The following PHF20 variants were observed in gnomAD, a reference collection of about 807,000 sequenced individuals.
The protein encoded by PHF20 is glioma-expressed antigen 2.
In PHF20, 23 loss-of-function variants were observed where a neutral mutation model predicts 113.5. The observed-to-expected ratio is 0.20, with a 90% CI of 0.15 to 0.29. PHF20 has a LOEUF of 0.29. PHF20 is among the 10% of genes least tolerant of loss of function. The pLI is 1.00. For missense variants in PHF20, 943 were observed against 1,219.6 expected (o/e 0.77, Z 3.38); for synonymous variants, 434 against 457.3 (o/e 0.95, Z 0.65).
intron 4 of PHF20, among the ~76,000 whole-genome samples, chr20:35,857,562 CTTTTTTTTTTTT>C (rs56655276): frequency 2.0e-4 from 20 of 99,676 alleles, no homozygotes; most frequent in South Asian, 1.2e-3. Flanking sequence ...AATGATGTTC[CTTTTTTTTTTTT>C]TTTTTTTTTT....
Position 35,863,165 on chromosome 20 carries a change from C to T in PHF20, c.573C>T (p.Pro191=). The change falls in exon 6 of 18, where the codon CCC becomes CCT. Residue 191 remains proline (P), a synonymous_variant. Transcript: ENST00000374012. ...AACCCTTAAAGACAGAAAAGCGACC[C>T]AAGCAGCCTGATAAAGAAGGAAAGT... ...EDKPLKTEKR[P]KQPDKEGKLI... The T allele has an allele frequency of 6.2e-7, 1 of 1,613,646 alleles. No homozygotes were observed. Among genetic ancestry groups the T allele is most frequent in the East Asian group, 2.2e-5 (1 of 44,882 alleles).
chr20:35,796,986 A>G (rs2041678286), intron 1 of PHF20, among the ~76,000 whole-genome samples: 1 of 152,122 alleles, frequency 6.6e-6, no homozygotes. Flanking sequence ...TGTAAGAATT[A>G]AATTCTTGCA....
At chr20:35,921,974 A>G (rs1223665370) in intron 13 of PHF20, among the ~76,000 whole-genome samples, 1 of 152,028 alleles carries the variant, frequency 6.6e-6, no homozygotes, top group African/African-American at 2.4e-5. Flanking sequence ...TACTTTCTCT[A>G]TTGACTTTTC....
At chr20:35,870,824 T>C in intron 7 of PHF20, 131 bp from the exon 8 acceptor site, 1 of 587,904 alleles carries the variant, frequency 1.7e-6, no homozygotes. Flanking sequence ...TATTTCCTTT[T>C]ATCACTACTC....
chr20:35,852,822 C>T (rs1404805743), intron 4 of PHF20, among the ~76,000 whole-genome samples: 1 of 150,234 alleles, frequency 6.7e-6, no homozygotes, highest in African/African-American at 2.4e-5. Flanking sequence ...TGGTCTTGAA[C>T]TCCTGACCTC....
intron 1 of PHF20, among the ~76,000 whole-genome samples, chr20:35,783,418 C>CTT (rs530366499): frequency 6.8e-6 from 1 of 146,884 alleles, no homozygotes. Context: ...AAGACTCTTA[C>CTT]TTTTTTTTTT....
At chr20:35,927,016 G>A (rs777689816) in intron 13 of PHF20, among the ~76,000 whole-genome samples, 45 of 152,176 alleles carry the variant, frequency 3.0e-4, no homozygotes, top group Admixed American at 2.7e-3. Context: ...CTATCCTCAG[G>A]CTGTCCACAT....
At chr20:35,832,787 C>T (rs1057289189) in intron 2 of PHF20, among the ~76,000 whole-genome samples, 3 of 152,252 alleles carry the variant, frequency 2.0e-5, no homozygotes, top group South Asian at 4.1e-4. Context: ...TGGTGGCTCA[C>T]GCCTGTATTC....
intron 9 of PHF20, among the ~76,000 whole-genome samples, chr20:35,876,922 C>T (rs1002964157): frequency 4.0e-5 from 6 of 151,288 alleles, no homozygotes; most frequent in Non-Finnish European, 7.4e-5. Flanking sequence ...CTGTCTAACA[C>T]GGTGAAACCC....
chr20:35,933,481 C>T (rs1392928761), intron 15 of PHF20, among the ~76,000 whole-genome samples: 1 of 151,928 alleles, frequency 6.6e-6, no homozygotes, highest in Non-Finnish European at 1.5e-5. Context: ...ACTGCAAGCT[C>T]TGCCTCCTGG....
intron 13 of PHF20, among the ~76,000 whole-genome samples, chr20:35,919,197 A>T (rs1022920041): frequency 6.6e-6 from 1 of 151,856 alleles, no homozygotes; most frequent in South Asian, 2.1e-4. Flanking sequence ...TTGTATTTTC[A>T]GTAGAGAAGC....
intron 2 of PHF20, among the ~76,000 whole-genome samples, chr20:35,815,930 T>C (rs1416663030): frequency 1.3e-5 from 2 of 152,260 alleles, no homozygotes; most frequent in Non-Finnish European, 2.9e-5. Context: ...TCCAGCTTTA[T>C]TGAGATATAA....
At chr20:35,833,069 A>T (rs1036082118) in intron 2 of PHF20, among the ~76,000 whole-genome samples, 1 of 151,576 alleles carries the variant, frequency 6.6e-6, no homozygotes, top group African/African-American at 2.4e-5. Context: ...AAAAAAAAAA[A>T]AAGTAGATTT....
At chr20:35,906,856 G>A (rs2055209743) in intron 10 of PHF20, among the ~76,000 whole-genome samples, 1 of 152,154 alleles carries the variant, frequency 6.6e-6, no homozygotes. Flanking sequence ...TAAGAAGAAT[G>A]CAGGGCTTGA....
intron 17 of PHF20, among the ~76,000 whole-genome samples, chr20:35,942,086 G>A (rs1157981125): frequency 6.6e-6 from 1 of 152,104 alleles, no homozygotes; most frequent in Non-Finnish European, 1.5e-5. Context: ...GATTGCTTGA[G>A]GCCAGCCTGG....
At chr20:35,870,841 T>C in intron 7 of PHF20, 114 bp from the exon 8 acceptor site, 2 of 668,134 alleles carry the variant, frequency 3.0e-6, no homozygotes, top group Non-Finnish European at 4.9e-6. Context: ...ACTCTAACAT[T>C]CCAGTAGTCT....
intron 9 of PHF20, among the ~76,000 whole-genome samples, chr20:35,898,343 C>T (rs932518837): frequency 1.3e-5 from 2 of 152,210 alleles, no homozygotes; most frequent in Admixed American, 6.5e-5. Context: ...TCCCTATTTC[C>T]GTCCACACAG....
At chr20:35,808,819 G>A (rs1183887085) in intron 2 of PHF20, among the ~76,000 whole-genome samples, 3 of 151,468 alleles carry the variant, frequency 2.0e-5, no homozygotes, top group East Asian at 2.0e-4. Context: ...TGATCTGCTC[G>A]CCTCGGCCTC....
chr20:35,836,644 A>G (rs2042445234), intron 2 of PHF20, among the ~76,000 whole-genome samples: 1 of 151,560 alleles, frequency 6.6e-6, no homozygotes, highest in Non-Finnish European at 1.5e-5. Context: ...GGAGATCGAG[A>G]CCATCCTGGC....
Sources: allele counts gnomAD v4.1 joint callset (sites outside exome capture counted in the v4.1 genomes callset), GRCh38; gene constraint gnomAD v4.1.1; transcripts MANE v1.5; gene names NCBI Gene and HGNC (gene_info 2026-07-23, HGNC 2026-07-21).